The following DOCK3 variants were observed in gnomAD, a reference collection of about 807,000 sequenced individuals.
DOCK3 encodes the protein dedicator of cytokinesis protein 3.
A neutral mutation model predicts 265.6 loss-of-function variants in DOCK3; 60 were observed. The observed-to-expected ratio is 0.23, with a 90% CI of 0.18 to 0.28. The LOEUF is 0.28. Ranked by LOEUF, DOCK3 falls within the 10% of genes least tolerant of loss-of-function variation. The pLI, the probability that DOCK3 is intolerant of heterozygous loss-of-function variation, is 1.00. For synonymous variants in DOCK3, 881 were observed against 938.0 expected (o/e 0.94, Z 1.11); for missense variants, 1,981 against 2,594.3 (o/e 0.76, Z 5.14).
intron 2 of DOCK3, among the ~76,000 whole-genome samples, chr3:50,781,839 C>T: frequency 6.6e-6 from 1 of 152,088 alleles, no homozygotes; most frequent in East Asian, 1.9e-4. Context: ...TCCATGTATT[C>T]TCATCTTTTA....
Position 50,925,886 on chromosome 3 carries a change from A to G in DOCK3, c.219-8095A>G, listed in dbSNP as rs981687641. ...CACTCTGTCGCCCAGGCTGGAGTGC[A>G]AATGACACAATCTTGGCTTACTGCT... On this transcript the variant is annotated intron_variant, in intron 4 of 52. Transcript: ENST00000266037. Among the ~76,000 whole-genome samples the G allele has an allele frequency of 2.1e-5, 3 of 143,640 alleles. No homozygotes were observed. In the East Asian group the frequency reaches 6.1e-4, roughly 29 times the overall value. The allele number at this position is 143,640 out of a possible 152,430, so 94.2% of individuals were successfully genotyped here. A position where few individuals can be genotyped will look rare whatever the true frequency, so the allele number is the denominator to read the frequency against.
At chr3:50,976,913 CT>C (rs1383222229) in intron 5 of DOCK3, among the ~76,000 whole-genome samples, 1 of 150,622 alleles carries the variant, frequency 6.6e-6, no homozygotes, top group Non-Finnish European at 1.5e-5. Flanking sequence ...TTCTTTGTCT[CT>C]TTTGATCTTT....
intron 7 of DOCK3, among the ~76,000 whole-genome samples, chr3:51,081,895 CAA>C (rs56305507): frequency 6.0e-5 from 7 of 117,598 alleles, no homozygotes; most frequent in Non-Finnish European, 3.4e-5. Context: ...GACTCTGTCT[CAA>C]AAAAAAAAAA....
intron 9 of DOCK3, among the ~76,000 whole-genome samples, chr3:51,143,597 C>G (rs958139784): frequency 6.6e-6 from 1 of 152,088 alleles, no homozygotes; most frequent in Admixed American, 6.6e-5. Flanking sequence ...TTGCATTTCT[C>G]TAATGGTTAA....
At chr3:50,689,782 A>G (rs2035081689) in intron 1 of DOCK3, among the ~76,000 whole-genome samples, 1 of 152,128 alleles carries the variant, frequency 6.6e-6, no homozygotes, top group Non-Finnish European at 1.5e-5. Context: ...CTGTAAATAC[A>G]TATCGTTGAA....
chr3:51,135,240 G>A (rs1446130494), intron 9 of DOCK3, among the ~76,000 whole-genome samples: 3 of 152,028 alleles, frequency 2.0e-5, no homozygotes, highest in African/African-American at 7.2e-5. Flanking sequence ...TGCTAAATCT[G>A]GTCAGCTGTG....
chr3:51,129,507 A>G (rs1234162797), intron 9 of DOCK3, among the ~76,000 whole-genome samples: 4 of 152,186 alleles, frequency 2.6e-5, no homozygotes, highest in Admixed American at 6.5e-5. Flanking sequence ...CTGATCATGT[A>G]TATTCCACTT....
chr3:51,062,290 C>T (rs749601026), intron 5 of DOCK3, among the ~76,000 whole-genome samples: 25 of 152,286 alleles, frequency 1.6e-4, no homozygotes, highest in South Asian at 1.5e-3. Context: ...TAACCTGGTG[C>T]CTGCTGCCTG....
chr3:50,719,798 A>G (rs1397976384), intron 1 of DOCK3: 1 of 825,342 alleles, frequency 1.2e-6, no homozygotes, highest in African/African-American at 1.7e-5. Flanking sequence ...CCTGACACAT[A>G]AACTCTGGAA....
intron 32 of DOCK3, among the ~76,000 whole-genome samples, chr3:51,317,671 C>CA (rs911971438): frequency 2.7e-5 from 4 of 146,798 alleles, no homozygotes; most frequent in African/African-American, 5.0e-5. Context: ...GTTCTCATTG[C>CA]AAAAAAAAAT....
intron 9 of DOCK3, among the ~76,000 whole-genome samples, chr3:51,132,823 C>T (rs960113531): frequency 1.3e-5 from 2 of 152,200 alleles, no homozygotes; most frequent in African/African-American, 4.8e-5. Context: ...CCTGATGAAG[C>T]TGGGGACACT....
intron 12 of DOCK3, among the ~76,000 whole-genome samples, chr3:51,171,107 A>G (rs190060145): frequency 6.6e-6 from 1 of 151,864 alleles, no homozygotes; most frequent in East Asian, 1.9e-4. Flanking sequence ...TTAGTTTGCT[A>G]TTTTTTAGTT....
chr3:50,753,671 A>G (rs955388535), intron 1 of DOCK3, among the ~76,000 whole-genome samples: 1 of 152,110 alleles, frequency 6.6e-6, no homozygotes, highest in Non-Finnish European at 1.5e-5. Flanking sequence ...CCCATAGGCA[A>G]ATATTTTAAT....
At position 50,836,680 on chromosome 3, in the gene DOCK3, T is replaced by G. The variant is rs113709255; in HGVS notation, c.122-4995T>G. Among the ~76,000 whole-genome samples, 526 of 152,290 alleles carry G rather than the reference T, an allele frequency of 3.5e-3. 4 individuals carry two copies. The highest frequency in any genetic ancestry group is 0.012 in the African/African-American group (507 of 41,564). ...CCCAGAGACACTTTCCTCATTGTCTTGGTGATTAACATCTGGCTCCTCATT... is the reference window on the plus strand; with the variant it reads ...CCCAGAGACACTTTCCTCATTGTCTGGGTGATTAACATCTGGCTCCTCATT... On this transcript the variant is annotated intron_variant, in intron 2 of 52. Coordinates refer to ENST00000266037, the MANE Select transcript of DOCK3 (RefSeq NM_004947.5).
Position 51,112,816 on chromosome 3 carries a change from T to C in DOCK3, c.746+22432T>C, listed in dbSNP as rs143360913. Among the ~76,000 whole-genome samples the C allele has an allele frequency of 2.6e-5, 4 of 152,208 alleles. No individual in the cohort carries two copies. The East Asian group carries it at 7.7e-4, about 29-fold the overall frequency. On this transcript the variant is annotated intron_variant, in intron 9 of 52. Coordinates refer to ENST00000266037, the MANE Select transcript of DOCK3 (RefSeq NM_004947.5). ...ATATCCTGGCCACTCTACAGATTAA[T>C]TAAAACAGGATTTCTCAGATGATTT...
chr3:50,970,293 CT>C (rs928340371), intron 5 of DOCK3, among the ~76,000 whole-genome samples: 1 of 152,064 alleles, frequency 6.6e-6, no homozygotes, highest in African/African-American at 2.4e-5. Context: ...TGCAGTATAT[CT>C]TTATGGAGTT....
At chr3:51,249,220 C>T (rs1356108222) in intron 22 of DOCK3, among the ~76,000 whole-genome samples, 11 of 137,122 alleles carry the variant, frequency 8.0e-5, no homozygotes, top group Admixed American at 5.6e-4. Flanking sequence ...GCCCCCCGCC[C>T]GGCCAGCCGC....
chr3:51,350,507 A>G (rs1405849133), intron 40 of DOCK3, 115 bp downstream of exon 40: 1 of 1,149,096 alleles, frequency 8.7e-7, no homozygotes, highest in East Asian at 2.5e-5. Context: ...TTTACAGAGG[A>G]TAAACCAGTT....
chr3:51,228,853 G>C (rs1348646649), intron 18 of DOCK3, 21 bp downstream of exon 18: 2 of 1,611,318 alleles, frequency 1.2e-6, no homozygotes, highest in Non-Finnish European at 1.7e-6. Context: ...ATGCCTGCAG[G>C]GTGGTGCCCT....
Sources: gnomAD v4.1 joint callset for allele counts (sites outside exome capture counted in the v4.1 genomes callset) on GRCh38, gnomAD v4.1.1 for gene constraint, MANE v1.5 for transcripts, NCBI Gene and HGNC (gene_info 2026-07-23, HGNC 2026-07-21) for gene names.